Variants in DPYD observed in about 807,000 individuals in gnomAD.
DPYD encodes the protein dihydropyrimidine dehydrogenase [NADP(+)].
Under a neutral mutation model 116.2 loss-of-function variants are expected in DPYD, and 109 were observed. The observed-to-expected ratio is 0.94, with a 90% CI of 0.80 to 1.10. The LOEUF (loss-of-function observed/expected upper bound fraction) is 1.10. DPYD is among the 50% of genes least tolerant of loss of function. The pLI is 0.00. For missense variants in DPYD, 1,302 were observed against 1,254.5 expected (o/e 1.04, Z -0.57); for synonymous variants, 440 against 432.0 (o/e 1.02, Z -0.23).
At chr1:97,775,227 G>C (rs566246928) in intron 3 of DPYD, among the ~76,000 whole-genome samples, 83 of 152,154 alleles carry the variant, frequency 5.5e-4, no homozygotes, top group African/African-American at 2.0e-3. Flanking sequence ...GAATGTCTAA[G>C]AATATATTTA....
At position 97,437,000 on chromosome 1, in the gene DPYD, T is replaced by C. The variant is rs375575253; in HGVS notation, c.1905+13059A>G. The stretch of plus-strand genomic sequence containing the variant: ...ACAGATTTATGGAAGTATACTTCTA[T>C]ATATGTTATATAAAGAATAAAATAA... On this transcript the variant is annotated intron_variant, in intron 14 of 22. Coordinates refer to ENST00000370192, the MANE Select transcript of DPYD (RefSeq NM_000110.4). 1.2e-4 allele frequency among the ~76,000 whole-genome samples: 18 copies of C among 151,926 alleles called. No individual in the cohort carries two copies. The East Asian group carries it at 3.1e-3, about 26-fold the overall frequency.
chr1:97,910,253 G>A (rs1673871303), intron 1 of DPYD, among the ~76,000 whole-genome samples: 1 of 151,868 alleles, frequency 6.6e-6, no homozygotes, highest in Non-Finnish European at 1.5e-5. Flanking sequence ...TTTCTGTCTT[G>A]TTTGAAAATG....
At chr1:97,705,000 C>G (rs1229052349) in intron 5 of DPYD, among the ~76,000 whole-genome samples, 1 of 152,014 alleles carries the variant, frequency 6.6e-6, no homozygotes, top group Admixed American at 6.6e-5. Flanking sequence ...TGTTAAATCT[C>G]TATCATTTAG....
chr1:97,667,398 G>A (rs1659623931), intron 8 of DPYD, among the ~76,000 whole-genome samples: 1 of 151,864 alleles, frequency 6.6e-6, no homozygotes, highest in Non-Finnish European at 1.5e-5. Flanking sequence ...TCATCTTGTT[G>A]ATTAATCATA....
At chr1:97,212,007 A>G (rs921470247) in intron 19 of DPYD, among the ~76,000 whole-genome samples, 1 of 152,100 alleles carries the variant, frequency 6.6e-6, no homozygotes, top group Admixed American at 6.6e-5. Flanking sequence ...GTATTTAATA[A>G]CTTCATTACA....
In DPYD at chr1:97,234,844, A is replaced by G. The variant is rs771498920; in HGVS notation, c.2442+8T>C. The G allele has an allele frequency of 4.3e-6, 7 of 1,613,736 alleles. No individual in the cohort carries two copies. The African/African-American group carries it at 5.3e-5, about 12-fold the overall frequency. On this transcript the variant is annotated splice_region_variant and intron_variant, in intron 19 of 22. Transcript: ENST00000370192. ...TTTTTAAAAGGGACAGACAAACACA[A>G]TGACTACCTGGAGGACGGAAGCACC...
At chr1:97,881,602 T>C (rs1672224168) in intron 2 of DPYD, among the ~76,000 whole-genome samples, 1 of 152,034 alleles carries the variant, frequency 6.6e-6, no homozygotes, top group Non-Finnish European at 1.5e-5. Context: ...ATAAACTCAA[T>C]TTATAGGATC....
chr1:97,472,138 T>C (rs1245427524), intron 13 of DPYD, among the ~76,000 whole-genome samples: 1 of 152,212 alleles, frequency 6.6e-6, no homozygotes, highest in Non-Finnish European at 1.5e-5. Flanking sequence ...CACCTTAAGA[T>C]GGGATAATGT....
intron 20 of DPYD, among the ~76,000 whole-genome samples, chr1:97,131,905 G>C (rs1451584037): frequency 6.6e-6 from 1 of 152,052 alleles, no homozygotes; most frequent in East Asian, 1.9e-4. Flanking sequence ...AAACTTTTTT[G>C]TCACTTATTT....
chr1:97,720,132 C>T (rs1396538006), intron 5 of DPYD: 13 of 983,704 alleles, frequency 1.3e-5, no homozygotes, highest in African/African-American at 1.8e-5. Context: ...AATGTATTTC[C>T]CTGTCTCTCT....
chr1:97,197,667 T>A (rs955277254), intron 19 of DPYD, among the ~76,000 whole-genome samples: 3 of 152,172 alleles, frequency 2.0e-5, no homozygotes, highest in African/African-American at 4.8e-5. Context: ...GAATGTAGAC[T>A]TGGGATCTTT....
rs182972213 is a variant in DPYD at position 97,532,199 on chromosome 1, G to C, written c.1525-16258C>G. 1.7e-3 allele frequency among the ~76,000 whole-genome samples: 260 copies of C among 152,144 alleles called. 1 individual carries two copies. The highest frequency in any genetic ancestry group is 2.7e-3 in the Admixed American group (42 of 15,294). On this transcript the variant is annotated intron_variant, in intron 12 of 22. Transcript: ENST00000370192. ...GATTTGTGTATGTTGAACCATCTTT[G>C]CATCCTAGGAATAAGTCTTGCTTTA...
chr1:97,352,799 G>A (rs79523487), intron 16 of DPYD, among the ~76,000 whole-genome samples: 1 of 152,072 alleles, frequency 6.6e-6, no homozygotes, highest in African/African-American at 2.4e-5. Flanking sequence ...TGCACCTTTC[G>A]TGAAGGGAAA....
At chr1:97,371,246 T>C (rs556411298) in intron 16 of DPYD, among the ~76,000 whole-genome samples, 2 of 152,174 alleles carry the variant, frequency 1.3e-5, no homozygotes, top group Non-Finnish European at 2.9e-5. Context: ...CAAGAAAGTG[T>C]CTCTGGCAGA....
intron 3 of DPYD, among the ~76,000 whole-genome samples, chr1:97,811,694 T>C (rs1019490918): frequency 3.3e-5 from 5 of 152,140 alleles, no homozygotes; most frequent in African/African-American, 1.2e-4. Context: ...TTTAAAACTA[T>C]ATTAAAATAC....
At chr1:97,881,682 A>T (rs1438078395) in intron 2 of DPYD, among the ~76,000 whole-genome samples, 1 of 152,012 alleles carries the variant, frequency 6.6e-6, no homozygotes, top group Admixed American at 6.6e-5. Context: ...GAAAGTCTCC[A>T]TTTCGAAATA....
chr1:97,584,384 T>C (rs1653932279), intron 10 of DPYD, among the ~76,000 whole-genome samples: 1 of 152,102 alleles, frequency 6.6e-6, no homozygotes, highest in Non-Finnish European at 1.5e-5. Flanking sequence ...GATGGTGGTT[T>C]CTTTTGCTTT....
intron 16 of DPYD, among the ~76,000 whole-genome samples, chr1:97,348,210 A>G (rs1293556421): frequency 6.6e-6 from 1 of 152,142 alleles, no homozygotes; most frequent in Non-Finnish European, 1.5e-5. Flanking sequence ...CACTCTGGTA[A>G]TTCTGTTAAT....
At chr1:97,316,235 A>G (rs139856172) in intron 16 of DPYD, among the ~76,000 whole-genome samples, 215 of 152,040 alleles carry the variant, frequency 1.4e-3, no homozygotes, top group African/African-American at 5.1e-3. Context: ...CATGCCTGTA[A>G]TCCCAGCACT....
Sources: gnomAD v4.1 joint callset for allele counts (sites outside exome capture counted in the v4.1 genomes callset) on GRCh38, gnomAD v4.1.1 for gene constraint, MANE v1.5 for transcripts, NCBI Gene and HGNC (gene_info 2026-07-23, HGNC 2026-07-21) for gene names.